VTA1: variants seen among roughly 807,000 people sequenced by gnomAD.
VTA1 encodes the protein vacuolar protein sorting-associated protein VTA1 homolog.
A neutral mutation model predicts 36.9 loss-of-function variants in VTA1; 24 were observed. The observed-to-expected ratio is 0.65, with a 90% CI of 0.47 to 0.91. VTA1 has a LOEUF of 0.91. VTA1 is among the 40% of genes least tolerant of loss of function. VTA1 has a pLI of 0.00. For synonymous variants in VTA1, 142 were observed against 130.2 expected (o/e 1.09, Z -0.62); for missense variants, 393 against 377.2 (o/e 1.04, Z -0.35).
At chr6:142,206,416 A>G (rs939200376) in intron 7 of VTA1, among the ~76,000 whole-genome samples, 3 of 152,228 alleles carry the variant, frequency 2.0e-5, no homozygotes, top group African/African-American at 7.2e-5. Flanking sequence ...CAAGATCTAT[A>G]TGAGGAGAAC....
intron 6 of VTA1, among the ~76,000 whole-genome samples, chr6:142,203,252 C>G (rs558762377): frequency 7.2e-5 from 11 of 151,932 alleles, no homozygotes; most frequent in Admixed American, 5.9e-4. Context: ...ATTGCCTATT[C>G]GAATTCAGTG....
Position 142,189,481 on chromosome 6 carries a change from T to C in VTA1, c.467T>C (p.Leu156Ser), listed in dbSNP as rs1312233054. ...AAGGCAACATACATCCATAATTGTT[T>C]AAAGAATGGGGAGACTCCTCAAGCA... ...RWKATYIHNCLKNGETPQAGP... is the reference protein window; with the variant it reads ...RWKATYIHNCSKNGETPQAGP... The change falls in exon 5 of 8, where the codon TTA becomes TCA. Residue 156 changes from leucine (L) to serine (S), a missense_variant. Coordinates refer to ENST00000367630, the MANE Select transcript of VTA1 (RefSeq NM_016485.5). The C allele has an allele frequency of 6.2e-7, 1 of 1,614,064 alleles. No individual in the cohort carries two copies. The highest frequency in any genetic ancestry group is 8.5e-7 in the Non-Finnish European group (1 of 1,179,974).
chr6:142,189,979 G>A (rs139774759), intron 5 of VTA1, among the ~76,000 whole-genome samples: 18 of 151,950 alleles, frequency 1.2e-4, no homozygotes, highest in East Asian at 9.7e-4. Context: ...GGATGGTCTC[G>A]ATCTCCTGAC....
At position 142,170,371 on chromosome 6, in the gene VTA1, G is replaced by A. The variant is rs1321184577; in HGVS notation, c.361G>A (p.Ala121Thr). The A allele has an allele frequency of 6.2e-7, 1 of 1,608,472 alleles. No individual in the cohort carries two copies. The highest frequency in any genetic ancestry group is 1.1e-5 in the South Asian group (1 of 90,346). ...AAACATGATCAAGTCCTTCTATACT[G>A]CAAGTCTTTTGATAGATGTCATAAC... The part of the protein sequence containing the change: ...HKNMIKSFYT[A>T]SLLIDVITVF... The change falls in exon 4 of 8, where the codon GCA (alanine) becomes ACA (threonine). Residue 121 changes from alanine (A) to threonine (T), a missense_variant. Physicochemically the swap from Ala to Thr is moderately conservative, Grantham distance 58 (BLOSUM62 0). Transcript: ENST00000367630.
intron 1 of VTA1, among the ~76,000 whole-genome samples, chr6:142,155,189 ACT>A (rs1217898720): frequency 4.6e-5 from 7 of 152,188 alleles, no homozygotes; most frequent in African/African-American, 1.7e-4. Flanking sequence ...TAAAAATATG[ACT>A]CAGTACAAAT....
Position 142,170,727 on chromosome 6 carries a change from G to A in VTA1, c.411+306G>A, listed in dbSNP as rs562425439. ...AGCTCACTGCAGCCTCAGCCTGCCCGGGCTCAAGCAATTCTCCTGCCTCAG... is the reference window on the plus strand; with the variant it reads ...AGCTCACTGCAGCCTCAGCCTGCCCAGGCTCAAGCAATTCTCCTGCCTCAG... On this transcript the variant is annotated intron_variant, in intron 4 of 7. Coordinates refer to ENST00000367630, the MANE Select transcript of VTA1 (RefSeq NM_016485.5). Among the ~76,000 whole-genome samples the A allele has an allele frequency of 5.3e-4, 80 of 152,036 alleles. 1 individual carries two copies. In the South Asian group the frequency reaches 0.014, roughly 27 times the overall value.
chr6:142,214,420 G>A (rs1414268826), intron 7 of VTA1, among the ~76,000 whole-genome samples: 2 of 152,176 alleles, frequency 1.3e-5, no homozygotes, highest in South Asian at 2.1e-4. Context: ...TTCTTCACAC[G>A]GCAATAGGAG....
At chr6:142,177,418 A>G (rs966124406) in intron 4 of VTA1, among the ~76,000 whole-genome samples, 3 of 152,324 alleles carry the variant, frequency 2.0e-5, no homozygotes, top group South Asian at 4.1e-4. Context: ...TGTTTTGTCA[A>G]GTTGTCATGG....
At chr6:142,204,282 C>T (rs746155917) in intron 7 of VTA1, among the ~76,000 whole-genome samples, 20 of 152,014 alleles carry the variant, frequency 1.3e-4, no homozygotes, top group East Asian at 3.9e-4. Flanking sequence ...AAAGCTGTCC[C>T]CTTTTGTTAC....
At chr6:142,168,967 C>T (rs1056275101) in intron 2 of VTA1, among the ~76,000 whole-genome samples, 2 of 151,678 alleles carry the variant, frequency 1.3e-5, no homozygotes, top group African/African-American at 2.4e-5. Flanking sequence ...GACGGGGTTT[C>T]ACTGTGTTAG....
Position 142,147,356 on chromosome 6 carries a change from G to A in VTA1, c.69G>A (p.Thr23=). Residue 23 remains threonine (T), a synonymous_variant, in exon 1 of 8, where the codon ACG becomes ACA. Transcript: ENST00000367630. ...QFKSIQHHLR[T]AQEHDKRDPV... ...AGAGCATACAGCATCATCTGAGGACGGCTCAGGAGCATGACAAGCGAGACC... is the reference window on the plus strand; with the variant it reads ...AGAGCATACAGCATCATCTGAGGACAGCTCAGGAGCATGACAAGCGAGACC... 1.9e-6 allele frequency: 3 copies of A among 1,614,196 alleles called. No homozygotes were observed. The highest frequency in any genetic ancestry group is 2.5e-6 in the Non-Finnish European group (3 of 1,180,028).
chr6:142,181,473 ATG>A (rs1775238849), intron 4 of VTA1, among the ~76,000 whole-genome samples: 1 of 141,632 alleles, frequency 7.1e-6, no homozygotes, highest in Non-Finnish European at 1.5e-5. Context: ...ATATATATAT[ATG>A]TATATGTACT....
chr6:142,179,457 T>G (rs183292362), intron 4 of VTA1, among the ~76,000 whole-genome samples: 1 of 152,198 alleles, frequency 6.6e-6, no homozygotes, highest in African/African-American at 2.4e-5. Flanking sequence ...AGCCCAAAGC[T>G]AGAAACAACC....
intron 4 of VTA1, among the ~76,000 whole-genome samples, chr6:142,182,402 G>C (rs1021989845): frequency 6.6e-6 from 1 of 152,140 alleles, no homozygotes; most frequent in African/African-American, 2.4e-5. Context: ...TATTTTTAAA[G>C]TATTGTTCCC....
chr6:142,177,584 A>G (rs938885596), intron 4 of VTA1, among the ~76,000 whole-genome samples: 1 of 152,154 alleles, frequency 6.6e-6, no homozygotes, highest in Non-Finnish European at 1.5e-5. Context: ...AAAGATTAAA[A>G]ACTTGAGTTT....
intron 5 of VTA1, among the ~76,000 whole-genome samples, chr6:142,189,801 G>C (rs1198189748): frequency 6.6e-6 from 1 of 151,960 alleles, no homozygotes; most frequent in Non-Finnish European, 1.5e-5. Context: ...CTGTCGCCCA[G>C]GCTGGAGTGC....
At chr6:142,163,634 TA>T (rs1261342202) in intron 1 of VTA1, among the ~76,000 whole-genome samples, 3 of 151,970 alleles carry the variant, frequency 2.0e-5, no homozygotes, top group Admixed American at 1.3e-4. Flanking sequence ...TCAGAAAATG[TA>T]GAGGAGTATG....
intron 7 of VTA1, among the ~76,000 whole-genome samples, chr6:142,207,904 C>T (rs1324722552): frequency 2.0e-5 from 3 of 151,678 alleles, no homozygotes; most frequent in East Asian, 1.9e-4. Flanking sequence ...GCCAGCCTGG[C>T]GAAACCCTGT....
intron 4 of VTA1, among the ~76,000 whole-genome samples, chr6:142,182,060 T>A (rs1052630915): frequency 1.3e-5 from 2 of 152,218 alleles, no homozygotes; most frequent in Non-Finnish European, 2.9e-5. Flanking sequence ...GTTGAGGGAC[T>A]AAGAGTATAA....
Sources: allele counts gnomAD v4.1 joint callset (sites outside exome capture counted in the v4.1 genomes callset), GRCh38; gene constraint gnomAD v4.1.1; transcripts MANE v1.5; gene names NCBI Gene and HGNC (gene_info 2026-07-23, HGNC 2026-07-21).